CLMP: variants seen among roughly 807,000 people sequenced by gnomAD.
CLMP encodes CXADR like cell adhesion molecule.
A neutral mutation model predicts 45.2 loss-of-function variants in CLMP; 27 were observed. The ratio of observed to expected loss-of-function variants is 0.60; its 90% CI spans 0.44 to 0.82. The LOEUF (loss-of-function observed/expected upper bound fraction) is 0.82, where lower values mean the gene tolerates loss of function less well. Ranked by LOEUF, CLMP falls within the 40% of genes least tolerant of loss-of-function variation. CLMP has a pLI of 0.00. For synonymous variants in CLMP, 167 were observed against 171.4 expected, an observed-to-expected ratio of 0.97 and a Z score of 0.20; for missense variants, 403 against 448.4, an observed-to-expected ratio of 0.90 and a Z score of 0.91.
intron 1 of CLMP, among the ~76,000 whole-genome samples, chr11:123,131,247 C>T (rs145807713): frequency 0.016 from 2,453 of 152,022 alleles, 29 homozygotes; most frequent in South Asian, 0.031. Flanking sequence ...TTTCTCATCC[C>T]TCAAATATAA....
At chr11:123,188,326 T>A (rs776696273) in intron 1 of CLMP, among the ~76,000 whole-genome samples, 5 of 152,096 alleles carry the variant, frequency 3.3e-5, no homozygotes, top group Non-Finnish European at 5.9e-5. Flanking sequence ...ATCCGTGAAA[T>A]AGAACGCGCT....
intron 1 of CLMP, among the ~76,000 whole-genome samples, chr11:123,154,203 C>G (rs889981076): frequency 1.3e-5 from 2 of 152,204 alleles, no homozygotes; most frequent in African/African-American, 2.4e-5. Context: ...TCACCCCCTC[C>G]TCCATGCAGG....
chr11:123,095,951 T>A (rs1865983400), intron 2 of CLMP, among the ~76,000 whole-genome samples: 1 of 152,170 alleles, frequency 6.6e-6, no homozygotes, highest in African/African-American at 2.4e-5. Context: ...AAGAAGAGAA[T>A]CTATCAGAGT....
intron 1 of CLMP, among the ~76,000 whole-genome samples, chr11:123,165,649 CATT>C (rs1861546333): frequency 6.6e-6 from 1 of 152,160 alleles, no homozygotes; most frequent in East Asian, 1.9e-4. Flanking sequence ...TTTTTAGCAT[CATT>C]ATTTTCAGTT....
In CLMP at chr11:123,074,860, A is replaced by G. The variant is rs551730482; in HGVS notation, c.680-17T>C. 18 of 1,610,996 alleles carry G rather than the reference A, an allele frequency of 1.1e-5. No individual in the cohort carries two copies. Among genetic ancestry groups the G allele is most frequent in the Non-Finnish European group, 1.5e-5 (18 of 1,178,734 alleles). On this transcript the variant is annotated splice_polypyrimidine_tract_variant and intron_variant, in intron 5 of 6. Transcript: ENST00000448775. The stretch of plus-strand genomic sequence containing the variant: ...TTTGTACATCTATTTTCTCAGAAGC[A>G]AAAGCACAAGTAAAACCAAACGTAA...
At chr11:123,125,565 C>T (rs1325469897) in intron 1 of CLMP, among the ~76,000 whole-genome samples, 1 of 105,154 alleles carries the variant, frequency 9.5e-6, no homozygotes, top group African/African-American at 3.4e-5. Context: ...CCCTCCCTTC[C>T]TCCCTCCCTC....
chr11:123,185,722 G>A (rs1861826406), intron 1 of CLMP, among the ~76,000 whole-genome samples: 1 of 152,206 alleles, frequency 6.6e-6, no homozygotes, highest in East Asian at 1.9e-4. Flanking sequence ...TTCTGAGTGG[G>A]AATTCTAGGC....
At chr11:123,074,508 G>T (rs1323537538) in intron 6 of CLMP, among the ~76,000 whole-genome samples, 194 bp downstream of exon 6, 1 of 152,022 alleles carries the variant, frequency 6.6e-6, no homozygotes, top group African/African-American at 2.4e-5. Flanking sequence ...TGTTTGTTGA[G>T]GATAAGATAG....
intron 1 of CLMP, among the ~76,000 whole-genome samples, chr11:123,151,563 T>C (rs746695660): frequency 6.6e-6 from 1 of 152,224 alleles, no homozygotes; most frequent in Non-Finnish European, 1.5e-5. Flanking sequence ...CTGCCACTTT[T>C]CCAGCGGAGG....
In CLMP at chr11:123,194,995, G is replaced by C; in HGVS notation, c.-55C>G. Reference sequence around the variant, plus strand: ...CTCAGCTGCTGCTTGGCTCCGGGGCGGCCGGGCGCCTCCGACGGACCTCGG... The same window carrying C: ...CTCAGCTGCTGCTTGGCTCCGGGGCCGCCGGGCGCCTCCGACGGACCTCGG... On this transcript the variant is annotated 5_prime_UTR_variant, in exon 1 of 7. Transcript: ENST00000448775. 16 of 1,579,182 alleles carry C rather than the reference G, an allele frequency of 1.0e-5. No homozygotes were observed. The highest frequency in any genetic ancestry group is 1.2e-5 in the Non-Finnish European group (14 of 1,162,352).
intron 2 of CLMP, 139 bp downstream of exon 2, chr11:123,097,656 T>C (rs1866005865): frequency 3.1e-6 from 2 of 646,398 alleles, no homozygotes; most frequent in East Asian, 2.8e-5. Flanking sequence ...TAGTTTTGTA[T>C]CTAAAGTCTT....
chr11:123,195,146 C>T lies in CLMP; in HGVS notation c.-206G>A, dbSNP rs1861965307. On this transcript the variant is annotated 5_prime_UTR_variant, in exon 1 of 7. Coordinates refer to ENST00000448775, the MANE Select transcript of CLMP (RefSeq NM_024769.5). ...TCCCGGCGCTCGCCCCACCAGCTGG[C>T]GCCCGGACGGGAGCCGGGACCAGGG... The T allele has an allele frequency of 3.3e-6, 1 of 304,396 alleles. No individual in the cohort carries two copies. The highest frequency in any genetic ancestry group is 9.3e-4 in the Middle Eastern group (1 of 1,076). 18.9% of individuals were successfully genotyped at this position (304,396 alleles called of 1,614,324 possible).
intron 5 of CLMP, among the ~76,000 whole-genome samples, chr11:123,077,426 G>C (rs765823164): frequency 1.3e-5 from 2 of 152,136 alleles, no homozygotes; most frequent in African/African-American, 2.4e-5. Context: ...CTGCCTCCCG[G>C]GTTCAAGTGA....
intron 1 of CLMP, among the ~76,000 whole-genome samples, chr11:123,137,151 T>TC (rs1340456926): frequency 1.4e-4 from 11 of 78,358 alleles, no homozygotes; most frequent in Non-Finnish European, 2.8e-5. Context: ...CTTTTTCTTT[T>TC]TTTTTTTTTT....
intron 1 of CLMP, among the ~76,000 whole-genome samples, chr11:123,124,804 T>C (rs1418360006): frequency 1.3e-5 from 2 of 152,214 alleles, no homozygotes; most frequent in Admixed American, 6.5e-5. Flanking sequence ...AATTATGTAA[T>C]CAATATTTTC....
chr11:123,168,550 T>C (rs1457500731), intron 1 of CLMP, among the ~76,000 whole-genome samples: 1 of 152,164 alleles, frequency 6.6e-6, no homozygotes, highest in African/African-American at 2.4e-5. Flanking sequence ...TGCCTTGCAG[T>C]GTCCCCTGGG....
chr11:123,089,405 T>C (rs1324432650), intron 2 of CLMP, among the ~76,000 whole-genome samples: 3 of 151,840 alleles, frequency 2.0e-5, no homozygotes, highest in African/African-American at 4.8e-5. Context: ...CATACACATA[T>C]ATACTGAAAC....
chr11:123,166,822 G>A (rs1336873560), intron 1 of CLMP, among the ~76,000 whole-genome samples: 1 of 152,158 alleles, frequency 6.6e-6, no homozygotes, highest in Non-Finnish European at 1.5e-5. Flanking sequence ...TGTTTGGGGT[G>A]ATGAAAATGC....
chr11:123,150,532 GAAA>G lies in CLMP; in HGVS notation c.28+44378_28+44380del, dbSNP rs10570650. Among the ~76,000 whole-genome samples, 701 of 110,494 alleles carry G rather than the reference GAAA, an allele frequency of 6.3e-3. 9 individuals carry two copies. The highest frequency in any genetic ancestry group is 0.033 in the East Asian group (102 of 3,102). The allele number at this position is 110,494 out of a possible 152,430, so 72.5% of individuals were successfully genotyped here. ...GGAAGGAAGGAAGGAAGGAAGGAAAGAAACAAGCAAGGAAGGAAGGAAGGAAGG... is the reference window on the plus strand; with the variant it reads ...GGAAGGAAGGAAGGAAGGAAGGAAAGCAAGCAAGGAAGGAAGGAAGGAAGG... On this transcript the variant is annotated intron_variant, in intron 1 of 6. Coordinates refer to ENST00000448775, the MANE Select transcript of CLMP (RefSeq NM_024769.5).
Sources: gnomAD v4.1 joint callset for allele counts (sites outside exome capture counted in the v4.1 genomes callset) on GRCh38, gnomAD v4.1.1 for gene constraint, MANE v1.5 for transcripts, NCBI Gene and HGNC (gene_info 2026-07-23, HGNC 2026-07-21) for gene names.